MAPK4: variants seen among roughly 807,000 people sequenced by gnomAD.
The protein encoded by MAPK4 is mitogen-activated protein kinase 4.
A neutral mutation model predicts 47.7 loss-of-function variants in MAPK4; 22 were observed. The ratio of observed to expected loss-of-function variants is 0.46; its 90% CI spans 0.33 to 0.66. The LOEUF is 0.66. Among genes scored for constraint, MAPK4 ranks in the 30% least tolerant of loss-of-function variants. The pLI, the probability that MAPK4 is intolerant of heterozygous loss-of-function variation, is 0.02. For synonymous variants in MAPK4, 390 were observed against 365.7 expected, an observed-to-expected ratio of 1.07 and a Z score of -0.76; for missense variants, 736 against 831.7, an observed-to-expected ratio of 0.88 and a Z score of 1.42.
Position 50,693,171 on chromosome 18 carries a change from A to G in MAPK4, c.547-21908A>G, listed in dbSNP as rs558558651. Among the ~76,000 whole-genome samples the G allele has an allele frequency of 3.9e-5, 6 of 152,272 alleles. No individual in the cohort carries two copies. In the South Asian group the frequency reaches 1.2e-3, roughly 32 times the overall value. On this transcript the variant is annotated intron_variant, in intron 2 of 5. Coordinates refer to ENST00000400384, the MANE Select transcript of MAPK4 (RefSeq NM_002747.4). ...CTACTCAGGAGGCTGAGGCAAGAGA[A>G]TCACTTGAACCTGGGAGGTGGAGGT...
Position 50,691,553 on chromosome 18 carries a change from G to C in MAPK4, c.547-23526G>C, listed in dbSNP as rs562297235. Among the ~76,000 whole-genome samples the C allele has an allele frequency of 9.8e-5, 15 of 152,304 alleles. No individual in the cohort carries two copies. The South Asian group carries it at 3.1e-3, about 32-fold the overall frequency. The stretch of plus-strand genomic sequence containing the variant: ...CTTAACAAATCCTGAGGCATATTGT[G>C]TATACCTACTCTGTGTCGATACAGT... On this transcript the variant is annotated intron_variant, in intron 2 of 5. Coordinates refer to ENST00000400384, the MANE Select transcript of MAPK4 (RefSeq NM_002747.4).
chr18:50,655,153 G>A (rs1288010271), intron 1 of MAPK4, among the ~76,000 whole-genome samples: 1 of 152,188 alleles, frequency 6.6e-6, no homozygotes, highest in Non-Finnish European at 1.5e-5. Flanking sequence ...ACAACCCAGG[G>A]TGGGTGGCAT....
intron 2 of MAPK4, among the ~76,000 whole-genome samples, chr18:50,674,390 C>T (rs993421703): frequency 1.3e-5 from 2 of 152,246 alleles, no homozygotes; most frequent in African/African-American, 4.8e-5. Flanking sequence ...ATAGAAGGCT[C>T]GGTGGGGGTG....
At position 50,726,116 on chromosome 18, in the gene MAPK4, C is replaced by A; in HGVS notation, c.1008C>A (p.Asp336Glu). The A allele has an allele frequency of 6.2e-7, 1 of 1,614,210 alleles. No homozygotes were observed. Among genetic ancestry groups the A allele is most frequent in the Non-Finnish European group, 8.5e-7 (1 of 1,180,044 alleles). Residue 336 changes from aspartate to glutamate, a missense_variant, in exon 5 of 6, where the codon GAC (aspartate) becomes GAA (glutamate). Asp to Glu is a conservative substitution (Grantham distance 45). Coordinates refer to ENST00000400384, the MANE Select transcript of MAPK4 (RefSeq NM_002747.4). Reference sequence around the variant, plus strand: ...TCCGCATTGAGGATGAGATCGACGACATCGTGCTGATGGCCGCTAACCAGA... The same window carrying A: ...TCCGCATTGAGGATGAGATCGACGAAATCGTGCTGATGGCCGCTAACCAGA... ...HPFRIEDEIDDIVLMAANQSQ... is the reference protein window; with the variant it reads ...HPFRIEDEIDEIVLMAANQSQ...
At position 50,711,824 on chromosome 18, in the gene MAPK4, G is replaced by GTTTTTT. The variant is rs35984682; in HGVS notation, c.547-3244_547-3239dup. On this transcript the variant is annotated intron_variant, in intron 2 of 5. Coordinates refer to ENST00000400384, the MANE Select transcript of MAPK4 (RefSeq NM_002747.4). ...TCTCGACTTCTGGGTATTCTTTAAA[G>GTTTTTT]TTTTTTTTTTTTTTTTGTAGAAAAT... 7.2e-3 allele frequency among the ~76,000 whole-genome samples: 1,015 copies of GTTTTTT among 140,982 alleles called. 10 individuals carry two copies. The highest frequency in any genetic ancestry group is 0.024 in the African/African-American group (932 of 38,072). 92.5% of individuals were successfully genotyped at this position (140,982 alleles called of 152,430 possible).
At chr18:50,682,837 C>T (rs1012478296) in intron 2 of MAPK4, among the ~76,000 whole-genome samples, 24 of 152,206 alleles carry the variant, frequency 1.6e-4, no homozygotes, top group African/African-American at 5.8e-4. Context: ...ACCCAAATGT[C>T]CATCAACATT....
At chr18:50,580,005 G>A (rs2042329677) in intron 1 of MAPK4, among the ~76,000 whole-genome samples, 1 of 152,198 alleles carries the variant, frequency 6.6e-6, no homozygotes, top group Non-Finnish European at 1.5e-5. Flanking sequence ...TCCTCTCACA[G>A]GGCTCTTCAT....
chr18:50,573,666 C>G (rs1486803994), intron 1 of MAPK4, among the ~76,000 whole-genome samples: 1 of 152,152 alleles, frequency 6.6e-6, no homozygotes, highest in Non-Finnish European at 1.5e-5. Flanking sequence ...AAATTGTCTT[C>G]CATGAAATTG....
intron 2 of MAPK4, among the ~76,000 whole-genome samples, chr18:50,684,855 A>C (rs1036851538): frequency 5.3e-5 from 8 of 152,132 alleles, no homozygotes; most frequent in African/African-American, 1.9e-4. Flanking sequence ...CTCCAGGCAG[A>C]CCCATAGGGA....
chr18:50,606,757 C>A (rs779191381), intron 1 of MAPK4, among the ~76,000 whole-genome samples: 2 of 152,194 alleles, frequency 1.3e-5, no homozygotes, highest in Admixed American at 6.5e-5. Flanking sequence ...AGATACTGTG[C>A]AATGGGGCAG....
chr18:50,669,611 G>A (rs1367590828), intron 2 of MAPK4: 1 of 152,260 alleles, frequency 6.6e-6, no homozygotes, highest in East Asian at 1.9e-4. Flanking sequence ...TCTATGACTA[G>A]CGTGCATCAT....
intron 1 of MAPK4, among the ~76,000 whole-genome samples, chr18:50,626,858 T>C (rs1198414318): frequency 6.6e-6 from 1 of 152,188 alleles, no homozygotes; most frequent in African/African-American, 2.4e-5. Flanking sequence ...GCACGTGGTG[T>C]CATTTATTAT....
chr18:50,672,530 C>T (rs1381899566), intron 2 of MAPK4, among the ~76,000 whole-genome samples: 3 of 152,132 alleles, frequency 2.0e-5, no homozygotes, highest in African/African-American at 2.4e-5. Context: ...CTTCCCATGG[C>T]AGAAGAGGAT....
rs780137571 is a variant in MAPK4 at position 50,729,301 on chromosome 18, G to C, written c.1211G>C (p.Ser404Thr). ...GACCCGCGCAAGGACTCGCACAGCA[G>C]CTCCGAGCGCTTCCTAGAGCAGTCG... is the stretch of plus-strand genomic sequence containing the variant. The part of the protein sequence containing the change: ...QVDPRKDSHS[S>T]SERFLEQSHS... The change falls in exon 6 of 6, where the codon AGC (serine) becomes ACC (threonine). Residue 404 changes from serine to threonine, a missense_variant. Physicochemically the swap from Ser to Thr is moderately conservative, Grantham distance 58. Coordinates refer to ENST00000400384, the MANE Select transcript of MAPK4 (RefSeq NM_002747.4). 1.2e-6 allele frequency: 2 copies of C among 1,606,900 alleles called. No individual in the cohort carries two copies. The highest frequency in any genetic ancestry group is 2.7e-5 in the African/African-American group (2 of 74,840).
At chr18:50,681,892 A>G (rs1908607589) in intron 2 of MAPK4, among the ~76,000 whole-genome samples, 1 of 152,222 alleles carries the variant, frequency 6.6e-6, no homozygotes, top group African/African-American at 2.4e-5. Context: ...TTCAGGCCTT[A>G]GAAAGGAATA....
intron 2 of MAPK4, among the ~76,000 whole-genome samples, chr18:50,667,972 A>G (rs1454811505): frequency 1.3e-5 from 2 of 152,148 alleles, no homozygotes; most frequent in Non-Finnish European, 2.9e-5. Flanking sequence ...TGCCTCCGGA[A>G]CTTCTGATGG....
intron 1 of MAPK4, among the ~76,000 whole-genome samples, chr18:50,607,756 G>T (rs991882258): frequency 6.6e-6 from 1 of 152,052 alleles, no homozygotes; most frequent in African/African-American, 2.4e-5. Flanking sequence ...TGTCTTTTTT[G>T]ACAGGAAAAA....
At chr18:50,644,980 G>A (rs1402047102) in intron 1 of MAPK4, among the ~76,000 whole-genome samples, 2 of 152,182 alleles carry the variant, frequency 1.3e-5, no homozygotes, top group African/African-American at 4.8e-5. Context: ...ACTTGCAGTG[G>A]AGAATAATGG....
chr18:50,667,969 G>A lies in MAPK4; in HGVS notation c.546+3465G>A, dbSNP rs1338857241. Reference sequence around the variant, plus strand: ...GTCATATTAATAAGTCCGTGCCTCCGGAACTTCTGATGGACTGGCTTCAAG... The same window carrying A: ...GTCATATTAATAAGTCCGTGCCTCCAGAACTTCTGATGGACTGGCTTCAAG... On this transcript the variant is annotated intron_variant, in intron 2 of 5. Coordinates refer to ENST00000400384, the MANE Select transcript of MAPK4 (RefSeq NM_002747.4). 2.6e-5 allele frequency among the ~76,000 whole-genome samples: 4 copies of A among 152,096 alleles called. No homozygotes were observed. The East Asian group carries it at 7.7e-4, about 29-fold the overall frequency.
Sources: gnomAD v4.1 joint callset for allele counts (sites outside exome capture counted in the v4.1 genomes callset) on GRCh38, gnomAD v4.1.1 for gene constraint, MANE v1.5 for transcripts, NCBI Gene and HGNC (gene_info 2026-07-23, HGNC 2026-07-21) for gene names.